Variants in COMMD1 observed in about 807,000 individuals in gnomAD.
COMMD1 encodes copper metabolism domain containing 1.
In COMMD1, 10 loss-of-function variants were observed where a neutral mutation model predicts 17.2. That is an observed-to-expected ratio of 0.58 (90% CI 0.36 to 0.99). The LOEUF is 0.99. COMMD1 is among the 50% of genes least tolerant of loss of function. COMMD1 has a pLI of 0.01. For synonymous variants in COMMD1, 97 were observed against 91.6 expected (o/e 1.06, Z -0.34); for missense variants, 270 against 231.8 (o/e 1.17, Z -1.07).
chr2:62,052,400 G>A (rs900987701), intron 2 of COMMD1, among the ~76,000 whole-genome samples: 22 of 152,118 alleles, frequency 1.4e-4, no homozygotes, highest in African/African-American at 2.9e-4. Flanking sequence ...GTAAAAGTCC[G>A]GAGATAGGCT....
chr2:61,915,272 C>T (rs563548229), intron 1 of COMMD1, among the ~76,000 whole-genome samples: 1 of 152,194 alleles, frequency 6.6e-6, no homozygotes, highest in African/African-American at 2.4e-5. Context: ...CCACTAAGTG[C>T]TAGGATTACA....
chr2:61,910,890 C>T (rs750342853), intron 1 of COMMD1, among the ~76,000 whole-genome samples: 30 of 151,346 alleles, frequency 2.0e-4, no homozygotes, highest in Non-Finnish European at 4.1e-4. Flanking sequence ...TCAAGATCAG[C>T]CTGACCAACG....
chr2:61,892,156 T>G (rs1055600563), intron 1 of COMMD1, among the ~76,000 whole-genome samples: 4 of 151,864 alleles, frequency 2.6e-5, no homozygotes, highest in African/African-American at 9.7e-5. Context: ...AAAAAATACT[T>G]TCCAAAACAA....
intron 1 of COMMD1, among the ~76,000 whole-genome samples, chr2:61,971,774 A>C (rs1227193415): frequency 6.6e-6 from 1 of 152,064 alleles, no homozygotes; most frequent in Non-Finnish European, 1.5e-5. Context: ...AAATAAGCTA[A>C]ATTTATTATA....
At chr2:61,961,817 T>A (rs1671350686) in intron 1 of COMMD1, among the ~76,000 whole-genome samples, 1 of 152,184 alleles carries the variant, frequency 6.6e-6, no homozygotes, top group Non-Finnish European at 1.5e-5. Flanking sequence ...ATTTCTGCTA[T>A]TTTATTTCCA....
At chr2:62,027,497 G>C (rs1418316876) in intron 2 of COMMD1, among the ~76,000 whole-genome samples, 1 of 152,104 alleles carries the variant, frequency 6.6e-6, no homozygotes, top group African/African-American at 2.4e-5. Context: ...GGCAACACTG[G>C]AACACCTCTT....
chr2:61,996,494 T>TCACGGGAGAGTCTTAAGCATTCTTAG (rs1476252127), intron 1 of COMMD1, among the ~76,000 whole-genome samples: 1 of 152,174 alleles, frequency 6.6e-6, no homozygotes, highest in African/African-American at 2.4e-5. Context: ...ACTCTCCCTT[T>TCACGGGAGAGTCTTAAGCATTCTTAG]CATGAAAGAT....
rs530397346 is a variant in COMMD1, at chr2:62,080,871, T to G, written c.463-54960T>G. Among the ~76,000 whole-genome samples, 214 of 152,100 alleles carry G rather than the reference T, an allele frequency of 1.4e-3. 4 individuals are homozygous for G. The South Asian group carries it at 0.043, about 30-fold the overall frequency. On this transcript the variant is annotated intron_variant, in intron 2 of 2. Coordinates refer to ENST00000311832, the MANE Select transcript of COMMD1 (RefSeq NM_152516.4). The stretch of plus-strand genomic sequence containing the variant: ...TTACTGAATAGATCATGGCCAACTC[T>G]CTGGCTCAACAGATACAAATATAAC...
chr2:61,983,966 A>C (rs1672030373), intron 1 of COMMD1, among the ~76,000 whole-genome samples: 1 of 152,170 alleles, frequency 6.6e-6, no homozygotes, highest in Non-Finnish European at 1.5e-5. Flanking sequence ...ATGGGGACTT[A>C]TAGCTATAAA....
chr2:62,032,340 TC>T (rs1669929655), intron 2 of COMMD1, among the ~76,000 whole-genome samples: 1 of 152,050 alleles, frequency 6.6e-6, no homozygotes, highest in African/African-American at 2.4e-5. Context: ...GGCCGAGATC[TC>T]CCTGGGCAAT....
chr2:62,100,918 G>A (rs1672162146), intron 2 of COMMD1, among the ~76,000 whole-genome samples: 1 of 152,148 alleles, frequency 6.6e-6, no homozygotes. Context: ...AGATATGGCA[G>A]AGAAACATGT....
chr2:62,085,806 C>G lies in COMMD1; in HGVS notation c.463-50025C>G, dbSNP rs188955725. Among the ~76,000 whole-genome samples, 910 of 149,780 alleles carry G rather than the reference C, an allele frequency of 6.1e-3. 11 individuals are homozygous for G. The highest frequency in any genetic ancestry group is 0.021 in the African/African-American group (854 of 40,806). Reference sequence around the variant, plus strand: ...CATCCTGGCTAACATGGTGAAACCCCGTCTCTACTAAAAAAATACAAAAAA... The same window carrying G: ...CATCCTGGCTAACATGGTGAAACCCGGTCTCTACTAAAAAAATACAAAAAA... On this transcript the variant is annotated intron_variant, in intron 2 of 2. Coordinates refer to ENST00000311832, the MANE Select transcript of COMMD1 (RefSeq NM_152516.4).
At chr2:62,126,312 G>T (rs1032104639) in intron 2 of COMMD1, among the ~76,000 whole-genome samples, 1 of 152,152 alleles carries the variant, frequency 6.6e-6, no homozygotes, top group African/African-American at 2.4e-5. Flanking sequence ...GGGTCAAATG[G>T]TATTTCTGGT....
At chr2:62,073,211 A>T (rs1267006864) in intron 2 of COMMD1, among the ~76,000 whole-genome samples, 1 of 152,174 alleles carries the variant, frequency 6.6e-6, no homozygotes, top group South Asian at 2.1e-4. Flanking sequence ...TTTGTGGGGG[A>T]AATTTGCATT....
chr2:61,942,648 T>G (rs756612325), intron 1 of COMMD1, among the ~76,000 whole-genome samples: 6 of 150,776 alleles, frequency 4.0e-5, no homozygotes, highest in Non-Finnish European at 7.4e-5. Flanking sequence ...CAAGTGATTC[T>G]CATACCTCAG....
chr2:61,904,421 CACATTTCAGAACATCAGTTCTTA>C (rs1298456367), upstream of COMMD1, among the ~76,000 whole-genome samples: 2 of 151,758 alleles, frequency 1.3e-5, no homozygotes, highest in Non-Finnish European at 2.9e-5. Context: ...AACTGTTGTT[CACATTTCAGAACATCAGTTCTTA>C]ACATTTCAGA....
At chr2:61,913,591 T>G (rs1167778866) in intron 1 of COMMD1, among the ~76,000 whole-genome samples, 1 of 151,060 alleles carries the variant, frequency 6.6e-6, no homozygotes, top group Non-Finnish European at 1.5e-5. Flanking sequence ...TACTAAAAAT[T>G]AGCTCTACTA....
At chr2:61,895,853 C>G (rs1005270642) in intron 1 of COMMD1, among the ~76,000 whole-genome samples, 1 of 152,158 alleles carries the variant, frequency 6.6e-6, no homozygotes, top group East Asian at 1.9e-4. Context: ...AGACCTCCAT[C>G]CCAACACCAG....
At chr2:61,954,463 A>G (rs1671141249) in intron 1 of COMMD1, among the ~76,000 whole-genome samples, 1 of 152,158 alleles carries the variant, frequency 6.6e-6, no homozygotes, top group South Asian at 2.1e-4. Context: ...TTCCAATTTA[A>G]AAGAATGTAT....
Sources: gnomAD v4.1 joint callset for allele counts (sites outside exome capture counted in the v4.1 genomes callset) on GRCh38, gnomAD v4.1.1 for gene constraint, MANE v1.5 for transcripts, NCBI Gene and HGNC (gene_info 2026-07-23, HGNC 2026-07-21) for gene names.